Variants in FBXL20 observed in about 807,000 individuals in gnomAD.
FBXL20 encodes F-box and leucine rich repeat protein 20.
In FBXL20, 11 loss-of-function variants were observed where a neutral mutation model predicts 64.0. The ratio of observed to expected loss-of-function variants is 0.17; its 90% CI spans 0.11 to 0.28. The LOEUF (loss-of-function observed/expected upper bound fraction) is 0.28. FBXL20 is among the 10% of genes least tolerant of loss of function. The pLI, the probability that FBXL20 is intolerant of heterozygous loss-of-function variation, is 1.00. For missense variants in FBXL20, 303 were observed against 526.2 expected (o/e 0.58, Z 4.15); for synonymous variants, 184 against 189.0 (o/e 0.97, Z 0.22).
rs745576025 is a variant in FBXL20, at chr17:39,260,707, A to T, written c.*753T>A. ...GACAACAGCAAAAGGGTAACAATTG[A>T]GTGAGTAAGCAGACTGAACAGGTGA... On this transcript the variant is annotated 3_prime_UTR_variant, in exon 15 of 15. Coordinates refer to ENST00000264658, the MANE Select transcript of FBXL20 (RefSeq NM_032875.3). 1 of 152,766 alleles carries T rather than the reference A, an allele frequency of 6.5e-6. No homozygotes were observed. The highest frequency in any genetic ancestry group is 1.5e-5 in the Non-Finnish European group (1 of 68,058). The allele number at this position is 152,766 out of a possible 1,614,324, so 9.5% of individuals were successfully genotyped here.
intron 1 of FBXL20, among the ~76,000 whole-genome samples, chr17:39,356,625 G>A (rs1055481222): frequency 6.6e-6 from 1 of 151,898 alleles, no homozygotes; most frequent in Non-Finnish European, 1.5e-5. Flanking sequence ...CAGGCGGCTA[G>A]GATTATAGGC....
At position 39,276,585 on chromosome 17, in the gene FBXL20, C is replaced by T. The variant is rs565282774; in HGVS notation, c.697-1485G>A. Among the ~76,000 whole-genome samples the T allele has an allele frequency of 2.0e-5, 3 of 152,102 alleles. No homozygotes were observed. In the East Asian group the frequency reaches 5.9e-4, roughly 30 times the overall value. On this transcript the variant is annotated intron_variant, in intron 9 of 14. Transcript: ENST00000264658. ...TCGGGAGGCTGAGGCAGGAGAATCA[C>T]TTGAACCTGGGAGGTGGAGGTTGCA...
chr17:39,360,132 G>A (rs1370977090), intron 1 of FBXL20, among the ~76,000 whole-genome samples: 1 of 152,130 alleles, frequency 6.6e-6, no homozygotes, highest in African/African-American at 2.4e-5. Context: ...ATTATGCTAA[G>A]TGGAATAAAC....
At position 39,300,573 on chromosome 17, in the gene FBXL20, G is replaced by A. The variant is rs552827277; in HGVS notation, c.234+428C>T. 3.3e-5 allele frequency among the ~76,000 whole-genome samples: 5 copies of A among 152,166 alleles called. No individual in the cohort carries two copies. In the South Asian group the frequency reaches 8.3e-4, roughly 25 times the overall value. On this transcript the variant is annotated intron_variant, in intron 4 of 14. Coordinates refer to ENST00000264658, the MANE Select transcript of FBXL20 (RefSeq NM_032875.3). ...ATGGCTTTGGCCTCATTCAACCTTC[G>A]TTCTCCACAAGAAATTGGCTCCTCA... is the stretch of plus-strand genomic sequence containing the variant.
chr17:39,324,288 T>C (rs1316583216), intron 2 of FBXL20, among the ~76,000 whole-genome samples: 1 of 148,998 alleles, frequency 6.7e-6, no homozygotes, highest in Non-Finnish European at 1.5e-5. Flanking sequence ...TCTCTCCAGG[T>C]GATTTTTCTT....
chr17:39,291,087 G>C (rs2047034163), intron 6 of FBXL20, among the ~76,000 whole-genome samples: 1 of 151,220 alleles, frequency 6.6e-6, no homozygotes, highest in African/African-American at 2.4e-5. Flanking sequence ...TCAGCCTCCA[G>C]AGCAGCTGGG....
At chr17:39,306,385 T>C (rs911286243) in intron 2 of FBXL20, among the ~76,000 whole-genome samples, 5 of 152,258 alleles carry the variant, frequency 3.3e-5, no homozygotes, top group Middle Eastern at 6.8e-3. Flanking sequence ...CCTGAACTTT[T>C]GGTGTCAAAT....
chr17:39,299,892 T>C (rs902540087), intron 4 of FBXL20, among the ~76,000 whole-genome samples: 5 of 151,662 alleles, frequency 3.3e-5, no homozygotes, highest in Non-Finnish European at 5.9e-5. Context: ...AGGTCAGGAG[T>C]TCGATACAAG....
chr17:39,339,685 C>T (rs575921767), intron 2 of FBXL20, among the ~76,000 whole-genome samples: 68 of 151,592 alleles, frequency 4.5e-4, no homozygotes, highest in African/African-American at 1.6e-3. Flanking sequence ...CTTGCTCTGT[C>T]ACCAGGCTGG....
intron 1 of FBXL20, among the ~76,000 whole-genome samples, chr17:39,378,812 T>C (rs1035914243): frequency 3.3e-5 from 5 of 151,624 alleles, no homozygotes; most frequent in African/African-American, 1.2e-4. Context: ...AGTTTCACTA[T>C]GTTGGCCAGG....
At chr17:39,401,806 T>C (rs2144698759), upstream of FBXL20, 2 of 769,622 alleles carry the variant, frequency 2.6e-6, no homozygotes, top group Non-Finnish European at 3.3e-6. Context: ...CTGACGGCGC[T>C]CCCGGGAGCA....
intron 1 of FBXL20, among the ~76,000 whole-genome samples, chr17:39,388,986 C>A (rs148708520): frequency 2.0e-5 from 3 of 150,020 alleles, no homozygotes; most frequent in Non-Finnish European, 4.4e-5. Context: ...CGCCTATAAT[C>A]CCAGCTACTA....
chr17:39,343,295 G>C, intron 1 of FBXL20, 54 bp from the exon 2 acceptor site: 1 of 1,297,812 alleles, frequency 7.7e-7, no homozygotes, highest in Non-Finnish European at 1.1e-6. Context: ...ATTACAGAAT[G>C]TTCAACTCAA....
At chr17:39,294,161 C>T (rs2047064634) in intron 6 of FBXL20, among the ~76,000 whole-genome samples, 1 of 151,268 alleles carries the variant, frequency 6.6e-6, no homozygotes, top group Non-Finnish European at 1.5e-5. Context: ...TTTTTTAAGA[C>T]ATAGGGTCTC....
intron 6 of FBXL20, among the ~76,000 whole-genome samples, chr17:39,296,636 G>A (rs1567868251): frequency 6.7e-6 from 1 of 148,954 alleles, no homozygotes; most frequent in South Asian, 2.2e-4. Flanking sequence ...TCTAATTTCT[G>A]TGACTGTAAG....
chr17:39,271,977 G>C (rs117253169), intron 10 of FBXL20, among the ~76,000 whole-genome samples: 1 of 152,084 alleles, frequency 6.6e-6, no homozygotes, highest in African/African-American at 2.4e-5. Context: ...GGCGGGGTGC[G>C]GTGGCTCACA....
intron 12 of FBXL20, among the ~76,000 whole-genome samples, chr17:39,265,968 A>G (rs1220095827): frequency 2.0e-5 from 3 of 151,756 alleles, no homozygotes; most frequent in African/African-American, 7.3e-5. Flanking sequence ...ACTGGTCTTC[A>G]ACTTTCAGGC....
At chr17:39,284,948 G>GT (rs5820282) in intron 7 of FBXL20, among the ~76,000 whole-genome samples, 2 of 150,650 alleles carry the variant, frequency 1.3e-5, no homozygotes, top group Non-Finnish European at 3.0e-5. Context: ...CTTTTTTTTT[G>GT]TTTTTTTTGA....
intron 6 of FBXL20, among the ~76,000 whole-genome samples, chr17:39,290,811 C>T (rs902262833): frequency 6.6e-6 from 1 of 152,142 alleles, no homozygotes; most frequent in African/African-American, 2.4e-5. Flanking sequence ...AACCCTCCTG[C>T]TTTAGCTTCC....
Sources: allele counts gnomAD v4.1 joint callset (sites outside exome capture counted in the v4.1 genomes callset), GRCh38; gene constraint gnomAD v4.1.1; transcripts MANE v1.5; gene names NCBI Gene and HGNC (gene_info 2026-07-23, HGNC 2026-07-21).